Variants in MARF1 observed in about 807,000 individuals in gnomAD.
The protein encoded by MARF1 is limkain-b1.
In MARF1, 24 loss-of-function variants were observed where a neutral mutation model predicts 168.2. The ratio of observed to expected loss-of-function variants is 0.14; its 90% CI spans 0.10 to 0.20. MARF1 has a LOEUF of 0.20. MARF1 is among the 10% of genes least tolerant of loss of function. The pLI, the probability that MARF1 is intolerant of heterozygous loss-of-function variation, is 1.00. For missense variants in MARF1, 1,744 were observed against 2,143.6 expected (o/e 0.81, Z 3.68); for synonymous variants, 868 against 822.4 (o/e 1.06, Z -0.95).
intron 25 of MARF1, chr16:15,599,305 A>C: frequency 2.2e-6 from 1 of 458,730 alleles, no homozygotes. Context: ...AGGGTCCTGC[A>C]GTCAGCTTCC....
chr16:15,614,461 GAC>G (rs1315003401), intron 16 of MARF1, among the ~76,000 whole-genome samples: 1 of 112,606 alleles, frequency 8.9e-6, no homozygotes, highest in Non-Finnish European at 1.7e-5. Context: ...CCAGCCTGGT[GAC>G]AGAGGGTGAC....
chr16:15,624,112 C>T lies in MARF1; in HGVS notation c.2270+657G>A, dbSNP rs561714394. On this transcript the variant is annotated intron_variant, in intron 10 of 26. Coordinates refer to ENST00000396368, the MANE Select transcript of MARF1 (RefSeq NM_014647.4). ...ATTTTTAGTAGAGATGGGGTTTCAC[C>T]GTGTTAGCCGGTTAGCCAGGATGGT... Among the ~76,000 whole-genome samples, 13 of 151,918 alleles carry T rather than the reference C, an allele frequency of 8.6e-5. No homozygotes were observed. In the South Asian group the frequency reaches 2.7e-3, roughly 32 times the overall value.
At chr16:15,635,332 T>C (rs2035513455) in intron 3 of MARF1, 1 of 422,340 alleles carries the variant, frequency 2.4e-6, no homozygotes, top group African/African-American at 2.0e-5. Context: ...TGGGCCCATG[T>C]GTAAGCTGAA....
chr16:15,602,450 G>C, intron 22 of MARF1: 1 of 599,766 alleles, frequency 1.7e-6, no homozygotes, highest in Non-Finnish European at 2.9e-6. Flanking sequence ...CAAAAACGAA[G>C]ATAAAGACGA....
Position 15,625,356 on chromosome 16 carries a change from G to A in MARF1, c.1953+16C>T. On this transcript the variant is annotated intron_variant, in intron 8 of 26. Coordinates refer to ENST00000396368, the MANE Select transcript of MARF1 (RefSeq NM_014647.4). The stretch of plus-strand genomic sequence containing the variant: ...ACCTACCATAAACTTCAGAAAGCAA[G>A]AGGTATCAAAATTACCTGTAAACTT... 1 of 1,588,092 alleles carries A rather than the reference G, an allele frequency of 6.3e-7. No individual in the cohort carries two copies. The highest frequency in any genetic ancestry group is 8.6e-7 in the Non-Finnish European group (1 of 1,167,988).
chr16:15,635,652 G>A lies in MARF1; in HGVS notation c.831+4C>T, dbSNP rs555963679. ...CCCAACTTAAGAAATAAAAAGATAC[G>A]AACCTTGTTTAGACAGTCTTCGCAG... On this transcript the variant is annotated splice_donor_region_variant and intron_variant, in intron 3 of 26. Coordinates refer to ENST00000396368, the MANE Select transcript of MARF1 (RefSeq NM_014647.4). 15 of 1,610,112 alleles carry A rather than the reference G, an allele frequency of 9.3e-6. No homozygotes were observed. In the African/African-American group the frequency reaches 9.3e-5, roughly 10 times the overall value.
At chr16:15,635,056 A>G in intron 3 of MARF1, 125 bp from the exon 4 acceptor site, 2 of 731,964 alleles carry the variant, frequency 2.7e-6, no homozygotes, top group Admixed American at 6.2e-5. Flanking sequence ...CCTCTAATAA[A>G]AAGGACTTTC....
rs1020241757 is a variant in MARF1, at chr16:15,615,718, T to C, written c.3253+112A>G. 24 of 687,910 alleles carry C rather than the reference T, an allele frequency of 3.5e-5. No homozygotes were observed. The East Asian group carries it at 6.4e-4, about 18-fold the overall frequency. 42.6% of individuals were successfully genotyped at this position (687,910 alleles called of 1,614,324 possible). A position where few individuals can be genotyped will look rare whatever the true frequency, so the allele number is the denominator to read the frequency against. On this transcript the variant is annotated intron_variant, in intron 16 of 26. Transcript: ENST00000396368. ...TTCAAAAGATCAAAGGACACATCCA[T>C]GGTGTTTTCACACTTGGCAAATTGT... is the stretch of plus-strand genomic sequence containing the variant.
intron 4 of MARF1, 151 bp from the exon 5 acceptor site, chr16:15,633,994 C>T: frequency 1.6e-6 from 1 of 640,768 alleles, no homozygotes; most frequent in Non-Finnish European, 2.7e-6. Context: ...ACTGGTTGAC[C>T]TAATAAGCAA....
intron 8 of MARF1, 99 bp from the exon 9 acceptor site, chr16:15,625,272 GA>G: frequency 6.5e-7 from 1 of 1,548,182 alleles, no homozygotes. Flanking sequence ...ATCAAACACT[GA>G]AATCAAAAAG....
In MARF1 at chr16:15,596,107, G is replaced by A. The variant is rs1175072527; in HGVS notation, c.*586C>T. The A allele has an allele frequency of 2.0e-5, 3 of 152,754 alleles. No homozygotes were observed. The East Asian group carries it at 5.8e-4, about 29-fold the overall frequency. The allele number at this position is 152,754 out of a possible 1,614,324, so 9.5% of individuals were successfully genotyped here. ...CAGACATAGTTTAAATAAAAAACAA[G>A]GCACACTTACAAGTCACATGGAAGC... is the stretch of plus-strand genomic sequence containing the variant. On this transcript the variant is annotated 3_prime_UTR_variant, in exon 27 of 27. Transcript: ENST00000396368.
chr16:15,630,649 A>G (rs1207053083), intron 6 of MARF1, 145 bp from the exon 7 acceptor site: 4 of 605,566 alleles, frequency 6.6e-6, no homozygotes, highest in Non-Finnish European at 5.4e-6. Flanking sequence ...GGAAAGAAAC[A>G]CGTTTCACAT....
chr16:15,629,579 A>G (rs2035111511), intron 7 of MARF1, among the ~76,000 whole-genome samples: 1 of 152,196 alleles, frequency 6.6e-6, no homozygotes, highest in Non-Finnish European at 1.5e-5. Flanking sequence ...ATATGTGAAG[A>G]CTTTCATTTA....
At chr16:15,601,828 A>G (rs989194465) in intron 23 of MARF1, 163 bp downstream of exon 23, 1 of 664,724 alleles carries the variant, frequency 1.5e-6, no homozygotes, top group Non-Finnish European at 2.7e-6. Context: ...AATCAAGGAG[A>G]AATGCTAAAA....
At chr16:15,631,592 T>C (rs1234864483) in intron 5 of MARF1, 94 bp from the exon 6 acceptor site, 1 of 786,964 alleles carries the variant, frequency 1.3e-6, no homozygotes, top group Non-Finnish European at 2.0e-6. Context: ...TAAATTTTAT[T>C]ATACTTTAAG....
At chr16:15,617,244 A>G (rs1396273057) in intron 14 of MARF1, 55 bp downstream of exon 14, 3 of 1,609,712 alleles carry the variant, frequency 1.9e-6, no homozygotes, top group Admixed American at 1.7e-5. Context: ...TCATCCTAAC[A>G]TGTTCCACAA....
Position 15,611,714 on chromosome 16 carries a change from T to A in MARF1, c.3495A>T (p.Lys1165Asn), listed in dbSNP as rs1048194768. ...CCCTGTGGGTAAGGGTCAGCAGACG[T>A]TTGGAGCCCATTCCAAGAATCTGCA... is the stretch of plus-strand genomic sequence containing the variant. ...HVLQILGMGSKRLLTLTHRAQ... is the reference protein window; with the variant it reads ...HVLQILGMGSNRLLTLTHRAQ... The change falls in exon 18 of 27, where the codon AAA becomes AAT. Residue 1165 changes from lysine (K) to asparagine (N), a missense_variant. By Grantham distance (94) the Lys-to-Asn change is moderately conservative. Coordinates refer to ENST00000396368, the MANE Select transcript of MARF1 (RefSeq NM_014647.4). The A allele has an allele frequency of 6.2e-6, 10 of 1,613,862 alleles. No individual in the cohort carries two copies. In the African/African-American group the frequency reaches 9.3e-5, roughly 15 times the overall value.
intron 26 of MARF1, among the ~76,000 whole-genome samples, chr16:15,597,698 G>C (rs1373105349): frequency 1.3e-5 from 2 of 152,230 alleles, no homozygotes; most frequent in African/African-American, 2.4e-5. Flanking sequence ...CTCAAGAGAA[G>C]AGCGGCTGAC....
intron 12 of MARF1, 131 bp from the exon 13 acceptor site, chr16:15,620,662 T>C: frequency 1.7e-6 from 1 of 596,344 alleles, no homozygotes. Flanking sequence ...TCAGAATGTA[T>C]TTTCCAGAAA....
Sources: gnomAD v4.1 joint callset for allele counts (sites outside exome capture counted in the v4.1 genomes callset) on GRCh38, gnomAD v4.1.1 for gene constraint, MANE v1.5 for transcripts, NCBI Gene and HGNC (gene_info 2026-07-23, HGNC 2026-07-21) for gene names.